The following TAFA4 variants were observed in gnomAD, a reference collection of about 807,000 sequenced individuals.
TAFA4 encodes the protein chemokine-like protein TAFA-4.
TAFA4 carries 20 observed loss-of-function variants against 21.1 expected under a neutral mutation model. That is an observed-to-expected ratio of 0.95 (90% CI 0.67 to 1.38). The LOEUF is 1.38. Ranked by LOEUF, TAFA4 falls within the 40% of genes most tolerant of loss-of-function variation. The pLI is 0.00. For synonymous variants in TAFA4, 71 were observed against 67.4 expected, an observed-to-expected ratio of 1.05 and a Z score of -0.26; for missense variants, 211 against 180.9, an observed-to-expected ratio of 1.17 and a Z score of -0.95.
intron 1 of TAFA4, among the ~76,000 whole-genome samples, chr3:68,929,889 T>C (rs910901011): frequency 3.9e-5 from 6 of 152,232 alleles, no homozygotes; most frequent in African/African-American, 1.4e-4. Flanking sequence ...TTGCTCAATA[T>C]GATAATATGA....
chr3:68,845,443 G>C (rs1401642143), intron 3 of TAFA4, among the ~76,000 whole-genome samples: 1 of 152,078 alleles, frequency 6.6e-6, no homozygotes. Flanking sequence ...CCTGAATACA[G>C]CACAACAATG....
At chr3:68,898,137 A>G (rs1252095718) in intron 1 of TAFA4, among the ~76,000 whole-genome samples, 1 of 152,196 alleles carries the variant, frequency 6.6e-6, no homozygotes, top group Non-Finnish European at 1.5e-5. Context: ...AAAGGACCCC[A>G]AGGAGATACA....
chr3:68,846,750 T>C (rs950920393), intron 3 of TAFA4, among the ~76,000 whole-genome samples: 1 of 152,198 alleles, frequency 6.6e-6, no homozygotes, highest in Non-Finnish European at 1.5e-5. Flanking sequence ...CTTTGTTTGC[T>C]AGTTTTCCTT....
At chr3:68,806,895 G>A (rs1471754869) in intron 3 of TAFA4, among the ~76,000 whole-genome samples, 1 of 152,106 alleles carries the variant, frequency 6.6e-6, no homozygotes, top group East Asian at 1.9e-4. Flanking sequence ...CAAGCCACTC[G>A]GTATATGGTA....
At chr3:68,894,129 T>C (rs2089759931) in intron 1 of TAFA4, among the ~76,000 whole-genome samples, 1 of 151,932 alleles carries the variant, frequency 6.6e-6, no homozygotes, top group Non-Finnish European at 1.5e-5. Flanking sequence ...TGGGATTCAG[T>C]ATTTGTTGGT....
At chr3:68,927,814 C>T (rs556398270) in intron 1 of TAFA4, among the ~76,000 whole-genome samples, 47 of 151,880 alleles carry the variant, frequency 3.1e-4, no homozygotes, top group African/African-American at 1.1e-3. Flanking sequence ...AGAAGGATTG[C>T]TTTAGCCCAG....
chr3:68,780,109 A>G (rs2314316), intron 3 of TAFA4, among the ~76,000 whole-genome samples: 57,098 of 152,122 alleles, frequency 0.38, 12,618 homozygotes, highest in East Asian at 0.92. Context: ...TGCATGGGGC[A>G]TGTAGCCACT....
chr3:68,863,886 G>T (rs2089383168), intron 3 of TAFA4, among the ~76,000 whole-genome samples: 1 of 151,946 alleles, frequency 6.6e-6, no homozygotes, highest in African/African-American at 2.4e-5. Context: ...AGTAACAAGA[G>T]AACAATGTAT....
chr3:68,834,978 C>A (rs1385562873), intron 3 of TAFA4, among the ~76,000 whole-genome samples: 1 of 152,132 alleles, frequency 6.6e-6, no homozygotes, highest in African/African-American at 2.4e-5. Flanking sequence ...ATATGGTCAT[C>A]CTACTCAGGA....
chr3:68,901,493 G>C (rs2089843759), intron 1 of TAFA4, among the ~76,000 whole-genome samples: 1 of 152,062 alleles, frequency 6.6e-6, no homozygotes, highest in African/African-American at 2.4e-5. Context: ...TGAGACAAGG[G>C]AAACTCTGTC....
intron 3 of TAFA4, among the ~76,000 whole-genome samples, chr3:68,772,935 C>G (rs1199357056): frequency 6.6e-6 from 1 of 152,188 alleles, no homozygotes; most frequent in Non-Finnish European, 1.5e-5. Context: ...CATGTTTCAT[C>G]TTTTTAAAAC....
chr3:68,900,012 G>A (rs57814992), intron 1 of TAFA4, among the ~76,000 whole-genome samples: 30,593 of 150,596 alleles, frequency 0.2, 3,414 homozygotes, highest in African/African-American at 0.29. Flanking sequence ...GGCTGAGGCA[G>A]GGGACTGCCT....
At chr3:68,822,663 T>G (rs1259712541) in intron 3 of TAFA4, among the ~76,000 whole-genome samples, 1 of 151,910 alleles carries the variant, frequency 6.6e-6, no homozygotes, top group Non-Finnish European at 1.5e-5. Flanking sequence ...AGAGATGGAG[T>G]TTAACCATGT....
chr3:68,927,012 G>C (rs538385209), intron 1 of TAFA4, among the ~76,000 whole-genome samples: 1 of 152,172 alleles, frequency 6.6e-6, no homozygotes, highest in Non-Finnish European at 1.5e-5. Flanking sequence ...CTACCCACGA[G>C]AGACTGCTCT....
intron 1 of TAFA4, among the ~76,000 whole-genome samples, chr3:68,931,475 G>A (rs2090157084): frequency 6.6e-6 from 1 of 152,232 alleles, no homozygotes; most frequent in South Asian, 2.1e-4. Flanking sequence ...CTCACCAGGT[G>A]CAGGAGATCA....
intron 3 of TAFA4, among the ~76,000 whole-genome samples, chr3:68,829,168 C>G (rs1362892929): frequency 6.6e-6 from 1 of 152,110 alleles, no homozygotes; most frequent in Non-Finnish European, 1.5e-5. Context: ...GCTACAGTAA[C>G]CAAAACAGCA....
chr3:68,813,197 G>C (rs1435258581), intron 3 of TAFA4, among the ~76,000 whole-genome samples: 2 of 151,948 alleles, frequency 1.3e-5, no homozygotes, highest in Admixed American at 6.6e-5. Flanking sequence ...GAAATTTATA[G>C]CACTAAATGC....
chr3:68,778,096 C>A (rs1703081651), intron 3 of TAFA4, among the ~76,000 whole-genome samples: 2 of 152,000 alleles, frequency 1.3e-5, no homozygotes, highest in South Asian at 4.2e-4. Context: ...ATTAGAAAGG[C>A]AGAGATTTTG....
At chr3:68,898,507 A>T (rs564597129) in intron 1 of TAFA4, among the ~76,000 whole-genome samples, 1 of 152,278 alleles carries the variant, frequency 6.6e-6, no homozygotes, top group Non-Finnish European at 1.5e-5. Flanking sequence ...TTAGCCAGGC[A>T]TAGTGGCATG....
Sources: allele counts gnomAD v4.1 joint callset (sites outside exome capture counted in the v4.1 genomes callset), GRCh38; gene constraint gnomAD v4.1.1; transcripts MANE v1.5; gene names NCBI Gene and HGNC (gene_info 2026-07-23, HGNC 2026-07-21).